AGAP1: variants seen among roughly 807,000 people sequenced by gnomAD.
The protein encoded by AGAP1 is arf-GAP with GTPase, ANK repeat and PH domain-containing protein 1.
Under a neutral mutation model 105.3 loss-of-function variants are expected in AGAP1, and 29 were observed. The ratio of observed to expected loss-of-function variants is 0.28; its 90% CI spans 0.21 to 0.38. AGAP1 has a LOEUF of 0.38. Among genes scored for constraint, AGAP1 ranks in the 10% least tolerant of loss-of-function variants. The pLI, the probability that AGAP1 is intolerant of heterozygous loss-of-function variation, is 1.00. For synonymous variants in AGAP1, 509 were observed against 485.9 expected (o/e 1.05, Z -0.63); for missense variants, 998 against 1,165.1 (o/e 0.86, Z 2.09).
rs1391808437 is a variant in AGAP1 at position 236,121,883 on chromosome 2, G to A, written c.2370+1436G>A. 3.3e-5 allele frequency among the ~76,000 whole-genome samples: 5 copies of A among 152,090 alleles called. No individual in the cohort carries two copies. The highest frequency in any genetic ancestry group is 4.4e-5 in the Non-Finnish European group (3 of 68,008). On this transcript the variant is annotated intron_variant, in intron 17 of 17. Coordinates refer to ENST00000304032, the MANE Select transcript of AGAP1 (RefSeq NM_001037131.3). This position sits in a 1 kb window ranked among gnomAD's most constrained non-coding sequence, Gnocchi z 4.9. ...GAGGCCTCTCTCACGGCTGGTAGAC[G>A]GCCGCCCTCTCCCTATGTTCTCACA...
intron 1 of AGAP1, among the ~76,000 whole-genome samples, chr2:235,694,054 G>A (rs759507347): frequency 4.7e-4 from 72 of 152,132 alleles, no homozygotes; most frequent in Non-Finnish European, 9.6e-4. Context: ...GAATAAGATC[G>A]GGAAGCTGGC....
intron 1 of AGAP1, among the ~76,000 whole-genome samples, chr2:235,513,932 G>C (rs6720369): frequency 0.036 from 5,486 of 152,294 alleles, 123 homozygotes; most frequent in Middle Eastern, 0.16. Context: ...TCCCGAGAAT[G>C]ATTGAGCTCT....
chr2:236,104,147 C>T lies in AGAP1; in HGVS notation c.2115-16045C>T, dbSNP rs1311891064. Among the ~76,000 whole-genome samples the T allele has an allele frequency of 3.3e-5, 5 of 152,054 alleles. No individual in the cohort carries two copies. The highest frequency in any genetic ancestry group is 2.6e-4 in the Admixed American group (4 of 15,280). ...GGTCTGCCCCAGGAGCCCCGCAAGG[C>T]GGGAGGCCTGTGTAAAGGCCTGCAG... On this transcript the variant is annotated intron_variant, in intron 16 of 17. Transcript: ENST00000304032. This position sits in a 1 kb window ranked among gnomAD's most constrained non-coding sequence, Gnocchi z 4.7.
intron 1 of AGAP1, among the ~76,000 whole-genome samples, chr2:235,547,681 C>T (rs1266639622): frequency 2.0e-5 from 3 of 152,120 alleles, no homozygotes; most frequent in Admixed American, 1.3e-4. Context: ...TTAGTAGAGA[C>T]GGGGTTTTGC....
chr2:235,890,431 C>G (rs545876017), intron 10 of AGAP1, among the ~76,000 whole-genome samples: 17 of 152,322 alleles, frequency 1.1e-4, no homozygotes, highest in Non-Finnish European at 2.4e-4. Context: ...GGATTATAGG[C>G]ATGAGCCACT....
At chr2:235,803,179 T>C (rs1265395469) in intron 8 of AGAP1, among the ~76,000 whole-genome samples, 1 of 146,204 alleles carries the variant, frequency 6.8e-6, no homozygotes, top group Admixed American at 6.7e-5. Flanking sequence ...GTTGTGGTGA[T>C]GGTGATGATG....
intron 1 of AGAP1, chr2:235,670,971 G>A: frequency 7.6e-7 from 1 of 1,317,348 alleles, no homozygotes. Flanking sequence ...GGAGCCTCGC[G>A]GCCACGCGGC....
At chr2:235,759,317 T>TGA (rs1559446886) in intron 6 of AGAP1, among the ~76,000 whole-genome samples, 9 of 151,942 alleles carry the variant, frequency 5.9e-5, no homozygotes, top group Non-Finnish European at 5.9e-5. Context: ...TACAGGCGCC[T>TGA]GCCACCACGC....
intron 6 of AGAP1, among the ~76,000 whole-genome samples, chr2:235,790,408 G>C (rs565127152): frequency 6.6e-6 from 1 of 152,078 alleles, no homozygotes; most frequent in Non-Finnish European, 1.5e-5. Flanking sequence ...TCGGGAAACC[G>C]CTGGAACCAG....
chr2:236,029,927 T>A (rs1559207259), intron 13 of AGAP1, among the ~76,000 whole-genome samples: 1 of 151,772 alleles, frequency 6.6e-6, no homozygotes, highest in Non-Finnish European at 1.5e-5. Context: ...TTTGTAGAGA[T>A]GAGGTCTCAC....
rs557006264 is a variant in AGAP1, at chr2:236,090,958, C to T, written c.2115-29234C>T. Among the ~76,000 whole-genome samples, 2 of 152,288 alleles carry T rather than the reference C, an allele frequency of 1.3e-5. No individual in the cohort carries two copies. Among genetic ancestry groups the T allele is most frequent in the East Asian group, 3.9e-4 (2 of 5,176 alleles). ...TTCACCATGTTGGCCAGGCTGGTGTCGACCTCCTGACCTCAGGTGATCTGC... is the reference window on the plus strand; with the variant it reads ...TTCACCATGTTGGCCAGGCTGGTGTTGACCTCCTGACCTCAGGTGATCTGC... On this transcript the variant is annotated intron_variant, in intron 16 of 17. Transcript: ENST00000304032. The surrounding 1 kb of genome is among the most constrained non-coding windows in gnomAD (Gnocchi z 4.3).
chr2:235,733,992 A>G lies in AGAP1; in HGVS notation c.311-6971A>G, dbSNP rs1559411066. 6.6e-6 allele frequency among the ~76,000 whole-genome samples: 1 copy of G among 152,342 alleles called. No individual in the cohort carries two copies. The highest frequency in any genetic ancestry group is 2.1e-4 in the South Asian group (1 of 4,832). On this transcript the variant is annotated intron_variant, in intron 3 of 17. Transcript: ENST00000304032. The surrounding 1 kb of genome is among the most constrained non-coding windows in gnomAD (Gnocchi z 5.0). ...AATACAAAACTTTTCCAAAACCCCA[A>G]CATTAGTGACTGACTTCAGTATTTT... is the stretch of plus-strand genomic sequence containing the variant.
Position 235,935,867 on chromosome 2 carries a change from G to A in AGAP1, c.1483+4944G>A, listed in dbSNP as rs565830635. 9.2e-5 allele frequency among the ~76,000 whole-genome samples: 14 copies of A among 152,250 alleles called. No homozygotes were observed. In the South Asian group the frequency reaches 1.0e-3, roughly 11 times the overall value. On this transcript the variant is annotated intron_variant, in intron 12 of 17. Transcript: ENST00000304032. ...GGGGTCGTATGTGGCATACTTGGCC[G>A]TCCTGTCTTACTTCAAGACAAGATG...
At chr2:236,052,787 G>C (rs914955613) in intron 16 of AGAP1, among the ~76,000 whole-genome samples, 1 of 152,240 alleles carries the variant, frequency 6.6e-6, no homozygotes, top group South Asian at 2.1e-4. Context: ...TCTGTAATGG[G>C]GGTTTAATTT....
chr2:235,786,008 T>C (rs1956611343), intron 6 of AGAP1, among the ~76,000 whole-genome samples: 1 of 152,242 alleles, frequency 6.6e-6, no homozygotes, highest in Non-Finnish European at 1.5e-5. Flanking sequence ...CGGGTGAGCC[T>C]TCACCTTCAG....
chr2:235,771,362 G>C (rs965523416), intron 6 of AGAP1, among the ~76,000 whole-genome samples: 3 of 152,166 alleles, frequency 2.0e-5, no homozygotes, highest in African/African-American at 7.2e-5. Context: ...GAGGAGCCTT[G>C]GGGCCACTCT....
chr2:236,015,447 C>G (rs889542505), intron 13 of AGAP1, among the ~76,000 whole-genome samples: 1 of 152,204 alleles, frequency 6.6e-6, no homozygotes, highest in East Asian at 1.9e-4. Flanking sequence ...CCAAAGTTCA[C>G]AAATTGACTT....
intron 13 of AGAP1, among the ~76,000 whole-genome samples, chr2:235,999,905 C>T (rs185471850): frequency 2.0e-5 from 3 of 152,148 alleles, no homozygotes; most frequent in East Asian, 1.9e-4. Flanking sequence ...GTGGGTGCTC[C>T]TGATGTGTGC....
rs191418671 is a variant in AGAP1, at chr2:235,653,457, T to C, written c.164-55722T>C. 3.3e-5 allele frequency among the ~76,000 whole-genome samples: 5 copies of C among 150,886 alleles called. No individual in the cohort carries two copies. The East Asian group carries it at 7.8e-4, about 24-fold the overall frequency. ...CCAGCCTGGGCGAAAGAGCGAAGCC[T>C]CCATCTCAAAAATAAATAAAATAAA... On this transcript the variant is annotated intron_variant, in intron 1 of 17. Coordinates refer to ENST00000304032, the MANE Select transcript of AGAP1 (RefSeq NM_001037131.3).
Sources: gnomAD v4.1 joint callset for allele counts (sites outside exome capture counted in the v4.1 genomes callset) on GRCh38, gnomAD v4.1.1 for gene constraint, Gnocchi (gnomAD v3.1) non-coding constraint, MANE v1.5 for transcripts, NCBI Gene and HGNC (gene_info 2026-07-23, HGNC 2026-07-21) for gene names.